CEP128: variants seen among roughly 807,000 people sequenced by gnomAD.
CEP128 encodes centrosomal protein 128kDa.
In CEP128, 132 loss-of-function variants were observed where a neutral mutation model predicts 156.7. That is an observed-to-expected ratio of 0.84 (90% confidence interval 0.73 to 0.97). CEP128 has a LOEUF of 0.97. CEP128 is among the 50% of genes least tolerant of loss of function. The pLI is 0.00. For missense variants in CEP128, 1,252 were observed against 1,281.9 expected (o/e 0.98, Z 0.36); for synonymous variants, 469 against 448.9 (o/e 1.04, Z -0.57).
chr14:80,647,874 C>T (rs1894730918), intron 19 of CEP128, among the ~76,000 whole-genome samples: 2 of 152,082 alleles, frequency 1.3e-5, no homozygotes, highest in South Asian at 4.1e-4. Context: ...TGCAGTTCTA[C>T]TGGGGGAGAT....
At chr14:80,492,397 G>T (rs1022433899), downstream of CEP128, among the ~76,000 whole-genome samples, 5 of 152,032 alleles carry the variant, frequency 3.3e-5, no homozygotes, top group African/African-American at 1.2e-4. Context: ...CACTAACTCC[G>T]CTTGCAACTA....
intron 19 of CEP128, among the ~76,000 whole-genome samples, chr14:80,717,214 A>G (rs1011363662): frequency 1.3e-5 from 2 of 152,186 alleles, no homozygotes; most frequent in African/African-American, 4.8e-5. Context: ...ACTCTGCTAT[A>G]ATTTACTTTA....
chr14:80,602,146 A>G lies in CEP128; in HGVS notation c.2807-21723T>C, dbSNP rs566975161. ...GGTCAATCAATCAAGACTATATAAC[A>G]ATTATAAGTATATATGCAAATAACA... On this transcript the variant is annotated intron_variant, in intron 19 of 24. Transcript: ENST00000555265. 9.8e-5 allele frequency among the ~76,000 whole-genome samples: 15 copies of G among 152,330 alleles called. No homozygotes were observed. In the East Asian group the frequency reaches 2.7e-3, roughly 27 times the overall value.
At chr14:80,902,357 C>T (rs1311291372) in intron 6 of CEP128, among the ~76,000 whole-genome samples, 1 of 152,152 alleles carries the variant, frequency 6.6e-6, no homozygotes, top group Non-Finnish European at 1.5e-5. Context: ...TGGGCTTCAT[C>T]ACATAGTCCA....
chr14:80,896,547 G>A (rs1202931180), intron 7 of CEP128, among the ~76,000 whole-genome samples: 1 of 152,096 alleles, frequency 6.6e-6, no homozygotes, highest in African/African-American at 2.4e-5. Flanking sequence ...TTGGTTACCT[G>A]TAGAGTTTTA....
chr14:80,777,916 T>G lies in CEP128; in HGVS notation c.2342A>C (p.Lys781Thr), dbSNP rs781286775. ...TAGTTGATCCTTCAAACATTGATAT[T>G]TTAGCTTCAGTTTTTTGTTCTCATT... ...NENENKKLKLKYQCLKDQLEE... is the reference protein window; with the variant it reads ...NENENKKLKLTYQCLKDQLEE... Residue 781 changes from lysine to threonine, a missense_variant, in exon 16 of 25, where the codon AAA (lysine) becomes ACA (threonine). Coordinates refer to ENST00000555265, the MANE Select transcript of CEP128 (RefSeq NM_152446.5). The G allele has an allele frequency of 6.2e-7, 1 of 1,611,590 alleles. No individual in the cohort carries two copies.
chr14:80,621,467 A>T (rs1893477272), intron 19 of CEP128, among the ~76,000 whole-genome samples: 2 of 152,320 alleles, frequency 1.3e-5, no homozygotes, highest in Admixed American at 6.5e-5. Context: ...TGATAATTGT[A>T]TCAGTGGTTC....
intron 21 of CEP128, among the ~76,000 whole-genome samples, chr14:80,542,889 T>G (rs1459906700): frequency 6.6e-6 from 1 of 152,176 alleles, no homozygotes; most frequent in Non-Finnish European, 1.5e-5. Flanking sequence ...AAAAGCGCCT[T>G]GGTGAGGTAA....
At chr14:80,695,106 AG>A (rs1380592257) in intron 19 of CEP128, among the ~76,000 whole-genome samples, 1 of 152,042 alleles carries the variant, frequency 6.6e-6, no homozygotes, top group Non-Finnish European at 1.5e-5. Context: ...AACCTGGAAT[AG>A]AAAAGAAAAA....
At position 80,910,181 on chromosome 14, in the gene CEP128, G is replaced by C. The variant is rs376589214; in HGVS notation, c.235-4100C>G. On this transcript the variant is annotated intron_variant, in intron 4 of 24. Coordinates refer to ENST00000555265, the MANE Select transcript of CEP128 (RefSeq NM_152446.5). Reference sequence around the variant, plus strand: ...TATAAATGCATGATTTAAAGATTAGGTCTATTCTTTTACCTCTGTTCTTTT... The same window carrying C: ...TATAAATGCATGATTTAAAGATTAGCTCTATTCTTTTACCTCTGTTCTTTT... 1.4e-4 allele frequency among the ~76,000 whole-genome samples: 22 copies of C among 152,226 alleles called. No homozygotes were observed. The South Asian group carries it at 4.6e-3, about 32-fold the overall frequency.
chr14:80,856,046 A>G (rs1162124227), intron 9 of CEP128, among the ~76,000 whole-genome samples: 9 of 152,230 alleles, frequency 5.9e-5, no homozygotes, highest in Non-Finnish European at 7.3e-5. Context: ...AAAAATGAAG[A>G]AAAATGTTGG....
intron 9 of CEP128, among the ~76,000 whole-genome samples, chr14:80,847,383 A>G (rs1047950121): frequency 6.6e-6 from 1 of 152,170 alleles, no homozygotes; most frequent in Non-Finnish European, 1.5e-5. Flanking sequence ...GTTCTCTCAC[A>G]GTCTTATAGA....
At chr14:80,734,846 CAAAAAAAAAAAAA>C (rs397798792) in intron 19 of CEP128, among the ~76,000 whole-genome samples, 165 of 62,088 alleles carry the variant, frequency 2.7e-3, no homozygotes, top group Non-Finnish European at 2.1e-3. Flanking sequence ...GACCCCATCT[CAAAAAAAAAAAAA>C]AAAAAAAAAA....
chr14:80,600,085 G>C (rs929958197), intron 19 of CEP128, among the ~76,000 whole-genome samples: 1 of 152,166 alleles, frequency 6.6e-6, no homozygotes, highest in Non-Finnish European at 1.5e-5. Flanking sequence ...ACAAGAGACT[G>C]AAGAAAAATG....
At chr14:80,785,630 T>C in intron 14 of CEP128, 85 bp from the exon 15 acceptor site, 1 of 980,912 alleles carries the variant, frequency 1.0e-6, no homozygotes, top group South Asian at 2.0e-5. Context: ...AGCAAAACAA[T>C]GTTTAACCCA....
intron 19 of CEP128, among the ~76,000 whole-genome samples, chr14:80,657,676 CAG>C (rs897898967): frequency 2.0e-5 from 3 of 151,902 alleles, no homozygotes; most frequent in African/African-American, 7.3e-5. Flanking sequence ...AACCACCTCT[CAG>C]GGGGATAACA....
intron 19 of CEP128, among the ~76,000 whole-genome samples, chr14:80,737,415 AAG>A (rs958424145): frequency 2.0e-5 from 3 of 150,708 alleles, no homozygotes; most frequent in African/African-American, 7.4e-5. Flanking sequence ...AAAAAGAAAA[AAG>A]AAAAAAAATT....
intron 19 of CEP128, among the ~76,000 whole-genome samples, chr14:80,712,513 G>A (rs1405900365): frequency 2.0e-5 from 3 of 152,120 alleles, no homozygotes; most frequent in Non-Finnish European, 2.9e-5. Context: ...CCTATGGAAG[G>A]GCCACAGATA....
chr14:80,713,232 ACT>A (rs1166676278), intron 19 of CEP128, among the ~76,000 whole-genome samples: 6 of 151,628 alleles, frequency 4.0e-5, no homozygotes, highest in Admixed American at 3.3e-4. Flanking sequence ...AATATAAAAG[ACT>A]CTTTATAATC....
Sources: allele counts gnomAD v4.1 joint callset (sites outside exome capture counted in the v4.1 genomes callset), GRCh38; gene constraint gnomAD v4.1.1; transcripts MANE v1.5; gene names NCBI Gene and HGNC (gene_info 2026-07-23, HGNC 2026-07-21).